The following TENM3 variants were observed in gnomAD, a reference collection of about 807,000 sequenced individuals.
TENM3 encodes the protein teneurin transmembrane protein 3, also known as teneurin-3.
TENM3 carries 63 observed loss-of-function variants against 255.1 expected under a neutral mutation model. That is an observed-to-expected ratio of 0.25 (90% CI 0.20 to 0.30). The LOEUF is 0.30. Ranked by LOEUF, TENM3 falls within the 10% of genes least tolerant of loss-of-function variation. The pLI, the probability that TENM3 is intolerant of heterozygous loss-of-function variation, is 1.00. For missense variants in TENM3, 2,929 were observed against 3,461.1 expected, an observed-to-expected ratio of 0.85 and a Z score of 3.86; for synonymous variants, 1,306 against 1,322.3, an observed-to-expected ratio of 0.99 and a Z score of 0.27.
the TENM3 span, among the ~76,000 whole-genome samples, chr4:181,501,698 C>A: frequency 3.3e-5 from 5 of 152,194 alleles, no homozygotes; most frequent in South Asian, 1.0e-3. Flanking sequence ...TTTTTCTATG[C>A]ACAGGACCAG....
At chr4:182,627,259 A>T (rs1750907628) in intron 4 of TENM3, among the ~76,000 whole-genome samples, 1 of 152,296 alleles carries the variant, frequency 6.6e-6, no homozygotes, top group African/African-American at 2.4e-5. Context: ...TTTAAGTTTC[A>T]TAATAACCCT....
the TENM3 span, among the ~76,000 whole-genome samples, chr4:181,755,130 C>A: frequency 1.6e-3 from 245 of 152,248 alleles, 1 homozygote; most frequent in Non-Finnish European, 2.5e-3. Flanking sequence ...TCCTTGGTCT[C>A]TCCACATATC....
At chr4:181,777,306 A>G in the TENM3 span, among the ~76,000 whole-genome samples, 1 of 152,134 alleles carries the variant, frequency 6.6e-6, no homozygotes, top group Non-Finnish European at 1.5e-5. Flanking sequence ...TGTTTTGGTT[A>G]CTATAGCATT....
At chr4:181,935,937 T>A in the TENM3 span, among the ~76,000 whole-genome samples, 1 of 152,250 alleles carries the variant, frequency 6.6e-6, no homozygotes, top group Non-Finnish European at 1.5e-5. Context: ...ATCTGTCATG[T>A]ATCCTATTTA....
At chr4:181,696,219 T>C in the TENM3 span, among the ~76,000 whole-genome samples, 2 of 152,164 alleles carry the variant, frequency 1.3e-5, no homozygotes, top group Non-Finnish European at 2.9e-5. Context: ...TTTATGTGCA[T>C]ATAATAGAAA....
the TENM3 span, among the ~76,000 whole-genome samples, chr4:182,114,817 A>G: frequency 1.3e-5 from 2 of 152,162 alleles, no homozygotes; most frequent in Non-Finnish European, 2.9e-5. Flanking sequence ...ATACTATTTT[A>G]TTTATTTATT....
At chr4:182,458,680 T>G (rs1774063507) in intron 3 of TENM3, among the ~76,000 whole-genome samples, 1 of 152,226 alleles carries the variant, frequency 6.6e-6, no homozygotes, top group Non-Finnish European at 1.5e-5. Context: ...AGATACTAAA[T>G]GTTTACATTT....
the TENM3 span, among the ~76,000 whole-genome samples, chr4:181,952,977 C>T: frequency 2.0e-5 from 3 of 152,198 alleles, no homozygotes; most frequent in African/African-American, 7.2e-5. Context: ...CATGGCCCCA[C>T]GGGGGCTACT....
chr4:181,941,487 C>T, the TENM3 span, among the ~76,000 whole-genome samples: 2 of 152,106 alleles, frequency 1.3e-5, no homozygotes, highest in Non-Finnish European at 2.9e-5. Flanking sequence ...ATAATTTTCA[C>T]TTATAAGGTT....
At chr4:182,545,029 G>A (rs971664257) in intron 3 of TENM3, among the ~76,000 whole-genome samples, 6 of 151,958 alleles carry the variant, frequency 3.9e-5, no homozygotes, top group Non-Finnish European at 8.8e-5. Context: ...TTCCCCTTGG[G>A]GATTTACTTT....
At chr4:182,332,357 A>G (rs1763813548) in intron 2 of TENM3, among the ~76,000 whole-genome samples, 1 of 152,172 alleles carries the variant, frequency 6.6e-6, no homozygotes, top group Admixed American at 6.5e-5. Flanking sequence ...TGAAGAAATC[A>G]GGAACAAAGA....
chr4:181,828,235 G>A, the TENM3 span, among the ~76,000 whole-genome samples: 716 of 152,264 alleles, frequency 4.7e-3, 1 homozygote, highest in Non-Finnish European at 8.3e-3. Context: ...CAAGGTTGCC[G>A]TCTCCTCTGC....
upstream of TENM3, among the ~76,000 whole-genome samples, chr4:182,242,538 A>AT (rs1483113573): frequency 6.6e-6 from 1 of 152,060 alleles, no homozygotes; most frequent in Non-Finnish European, 1.5e-5. Flanking sequence ...AGGTGGGTGA[A>AT]TTGCTTGAGC....
intron 3 of TENM3, among the ~76,000 whole-genome samples, chr4:182,468,350 G>T (rs1385196974): frequency 6.6e-6 from 1 of 152,184 alleles, no homozygotes; most frequent in Non-Finnish European, 1.5e-5. Flanking sequence ...GGGGCTGTGT[G>T]GTTTAAGCTC....
the TENM3 span, among the ~76,000 whole-genome samples, chr4:181,844,304 C>T: frequency 4.6e-5 from 7 of 152,202 alleles, no homozygotes; most frequent in South Asian, 2.1e-4. Flanking sequence ...CATGGAAATA[C>T]GCTGTGGGAG....
intron 1 of TENM3, among the ~76,000 whole-genome samples, chr4:182,214,312 C>T (rs2149912933): frequency 6.6e-6 from 1 of 152,214 alleles, no homozygotes; most frequent in African/African-American, 2.4e-5. Flanking sequence ...TTAACTGTAA[C>T]ATAACTGACT....
the TENM3 span, among the ~76,000 whole-genome samples, chr4:181,569,742 G>A: frequency 2.0e-5 from 3 of 152,134 alleles, no homozygotes; most frequent in East Asian, 3.9e-4. Context: ...GCCACTAGAT[G>A]TCAGGAACAA....
chr4:182,656,149 T>C (rs1753726713), intron 6 of TENM3, among the ~76,000 whole-genome samples: 1 of 152,122 alleles, frequency 6.6e-6, no homozygotes, highest in South Asian at 2.1e-4. Context: ...TTCCTAGATG[T>C]GTAAAAGTCT....
chr4:181,861,409 A>C, the TENM3 span, among the ~76,000 whole-genome samples: 1 of 152,164 alleles, frequency 6.6e-6, no homozygotes, highest in Non-Finnish European at 1.5e-5. Context: ...TCTTTAACAG[A>C]TGTAAAATAC....
Sources: gnomAD v4.1 joint callset for allele counts (sites outside exome capture counted in the v4.1 genomes callset) on GRCh38, gnomAD v4.1.1 for gene constraint, MANE v1.5 for transcripts, NCBI Gene and HGNC (gene_info 2026-07-23, HGNC 2026-07-21) for gene names.